The following SH3RF1 variants were observed in gnomAD, a reference collection of about 807,000 sequenced individuals.
SH3RF1 encodes the protein E3 ubiquitin-protein ligase SH3RF1.
In SH3RF1, 32 loss-of-function variants were observed where a neutral mutation model predicts 74.0. The ratio of observed to expected loss-of-function variants is 0.43; its 90% CI spans 0.33 to 0.58. SH3RF1 has a LOEUF of 0.58. SH3RF1 is among the 20% of genes least tolerant of loss of function. The pLI, the probability that SH3RF1 is intolerant of heterozygous loss-of-function variation, is 0.05. For missense variants in SH3RF1, 954 were observed against 1,130.9 expected, an observed-to-expected ratio of 0.84 and a Z score of 2.24; for synonymous variants, 396 against 439.6, an observed-to-expected ratio of 0.90 and a Z score of 1.24.
At chr4:169,153,621 A>C (rs911443559) in intron 4 of SH3RF1, among the ~76,000 whole-genome samples, 1 of 152,138 alleles carries the variant, frequency 6.6e-6, no homozygotes, top group Non-Finnish European at 1.5e-5. Context: ...CCTCCACTTT[A>C]TTCCCCTAAG....
chr4:169,109,603 A>G (rs762924499), intron 10 of SH3RF1, among the ~76,000 whole-genome samples: 5 of 152,184 alleles, frequency 3.3e-5, no homozygotes, highest in African/African-American at 4.8e-5. Flanking sequence ...ATGTTAGCAG[A>G]AGAATGTTCC....
At chr4:169,154,743 C>T (rs1734026138) in intron 4 of SH3RF1, among the ~76,000 whole-genome samples, 1 of 152,206 alleles carries the variant, frequency 6.6e-6, no homozygotes, top group Non-Finnish European at 1.5e-5. Flanking sequence ...GGCCACGCTT[C>T]CTTCTTTGAA....
intron 5 of SH3RF1, among the ~76,000 whole-genome samples, chr4:169,133,133 T>C (rs533919943): frequency 1.5e-4 from 23 of 152,076 alleles, no homozygotes; most frequent in Non-Finnish European, 2.9e-4. Flanking sequence ...ACTTATATGG[T>C]GTAGACATGA....
At chr4:169,215,110 T>G (rs1387739319) in intron 2 of SH3RF1, among the ~76,000 whole-genome samples, 1 of 152,192 alleles carries the variant, frequency 6.6e-6, no homozygotes, top group Non-Finnish European at 1.5e-5. Flanking sequence ...AAATTTTTTT[T>G]CTTATCAAGT....
intron 5 of SH3RF1, among the ~76,000 whole-genome samples, chr4:169,131,414 T>C (rs1222015114): frequency 1.3e-5 from 2 of 152,208 alleles, no homozygotes; most frequent in African/African-American, 4.8e-5. Flanking sequence ...ACTCACTATG[T>C]CACACTTCTT....
At chr4:169,123,696 T>C (rs1733478499) in intron 6 of SH3RF1, among the ~76,000 whole-genome samples, 1 of 151,876 alleles carries the variant, frequency 6.6e-6, no homozygotes, top group African/African-American at 2.4e-5. Flanking sequence ...TCGAGACCAT[T>C]TTGGCTAACA....
intron 10 of SH3RF1, among the ~76,000 whole-genome samples, chr4:169,110,473 A>G (rs1733221599): frequency 6.6e-6 from 1 of 152,174 alleles, no homozygotes; most frequent in Non-Finnish European, 1.5e-5. Context: ...TAAGAAAATC[A>G]AGAATAATAA....
chr4:169,160,414 G>C (rs1368243351), intron 2 of SH3RF1, among the ~76,000 whole-genome samples: 2 of 152,152 alleles, frequency 1.3e-5, no homozygotes, highest in African/African-American at 4.8e-5. Flanking sequence ...ATAGACCAGT[G>C]GCAAGGAGAA....
At chr4:169,177,716 G>T (rs1734443579) in intron 2 of SH3RF1, among the ~76,000 whole-genome samples, 1 of 152,066 alleles carries the variant, frequency 6.6e-6, no homozygotes, top group South Asian at 2.1e-4. Context: ...TATCTATAAT[G>T]CTTTCAAGTT....
chr4:169,216,099 C>T (rs917347060), intron 2 of SH3RF1, among the ~76,000 whole-genome samples: 3 of 152,068 alleles, frequency 2.0e-5, no homozygotes, highest in African/African-American at 7.2e-5. Flanking sequence ...CCACCATGCC[C>T]AGCCTAATAG....
At chr4:169,169,984 A>T (rs1734300096) in intron 2 of SH3RF1, among the ~76,000 whole-genome samples, 1 of 152,186 alleles carries the variant, frequency 6.6e-6, no homozygotes, top group African/African-American at 2.4e-5. Flanking sequence ...CTGTGCAAGA[A>T]ATGCTACTGG....
At chr4:169,265,431 CAGATATTAAGAGAACTTAATGTTAAG>C (rs1731336709) in intron 2 of SH3RF1, among the ~76,000 whole-genome samples, 1 of 152,102 alleles carries the variant, frequency 6.6e-6, no homozygotes, top group East Asian at 1.9e-4. Flanking sequence ...GAAACATGCA[CAGATATTAAGAGAACTTAATGTTAAG>C]AGATATTAAG....
chr4:169,225,404 C>T (rs1442713571), intron 2 of SH3RF1, among the ~76,000 whole-genome samples: 4 of 151,990 alleles, frequency 2.6e-5, no homozygotes, highest in Admixed American at 1.3e-4. Flanking sequence ...AGTCACGAGA[C>T]GGAAAGAGGA....
chr4:169,250,011 G>A (rs1731073452), intron 2 of SH3RF1, among the ~76,000 whole-genome samples: 1 of 152,120 alleles, frequency 6.6e-6, no homozygotes, highest in African/African-American at 2.4e-5. Context: ...TATCAAATGA[G>A]GAAATATGCT....
At chr4:169,270,297 G>T (rs1167263343) in intron 1 of SH3RF1, among the ~76,000 whole-genome samples, 1 of 152,012 alleles carries the variant, frequency 6.6e-6, no homozygotes. Context: ...GCGGCCGCTC[G>T]CCGCAGACAC....
intron 2 of SH3RF1, among the ~76,000 whole-genome samples, chr4:169,237,721 A>G (rs1268616217): frequency 1.3e-5 from 2 of 152,174 alleles, no homozygotes; most frequent in African/African-American, 4.8e-5. Flanking sequence ...AAGACACAAG[A>G]CAGTAAAGAT....
chr4:169,120,585 A>T (rs939463095), intron 8 of SH3RF1, among the ~76,000 whole-genome samples: 7 of 152,236 alleles, frequency 4.6e-5, no homozygotes, highest in African/African-American at 1.4e-4. Flanking sequence ...CAAATAACTT[A>T]AAACCCAGTA....
In SH3RF1 at chr4:169,136,308, G is replaced by C. The variant is rs1031112710; in HGVS notation, c.1068+10C>G. On this transcript the variant is annotated intron_variant, in intron 5 of 11. Transcript: ENST00000284637. The stretch of plus-strand genomic sequence containing the variant: ...AGCTCTTTTTATATAACACTTGTTT[G>C]AGGATTTACCTGAGAAGGGGCACTG... 1 of 1,406,890 alleles carries C rather than the reference G, an allele frequency of 7.1e-7. No individual in the cohort carries two copies. Among genetic ancestry groups the C allele is most frequent in the African/African-American group, 1.4e-5 (1 of 69,050 alleles). The allele number at this position is 1,406,890 out of a possible 1,614,324, so 87.2% of individuals were successfully genotyped here. A position where few individuals can be genotyped will look rare whatever the true frequency, so the allele number is the denominator to read the frequency against.
intron 2 of SH3RF1, among the ~76,000 whole-genome samples, chr4:169,226,253 G>T (rs1730652282): frequency 6.6e-6 from 1 of 152,136 alleles, no homozygotes; most frequent in African/African-American, 2.4e-5. Flanking sequence ...AGATAAAAGA[G>T]TATATTTTGT....
Sources: gnomAD v4.1 joint callset for allele counts (sites outside exome capture counted in the v4.1 genomes callset) on GRCh38, gnomAD v4.1.1 for gene constraint, MANE v1.5 for transcripts, NCBI Gene and HGNC (gene_info 2026-07-23, HGNC 2026-07-21) for gene names.